The following DOCK4 variants were observed in gnomAD, a reference collection of about 807,000 sequenced individuals.
DOCK4 encodes the protein dedicator of cytokinesis 4.
Under a neutral mutation model 268.1 loss-of-function variants are expected in DOCK4, and 97 were observed. The observed-to-expected ratio is 0.36, with a 90% CI of 0.31 to 0.43. The LOEUF is 0.43. Among genes scored for constraint, DOCK4 ranks in the 20% least tolerant of loss-of-function variants. The pLI is 1.00. For synonymous variants in DOCK4, 954 were observed against 887.2 expected (o/e 1.08, Z -1.34); for missense variants, 2,145 against 2,455.7 (o/e 0.87, Z 2.67).
chr7:112,135,541 T>C (rs1160795492), intron 1 of DOCK4, among the ~76,000 whole-genome samples: 1 of 152,172 alleles, frequency 6.6e-6, no homozygotes, highest in African/African-American at 2.4e-5. Flanking sequence ...AGCTATATAA[T>C]CTATCTCCTT....
At position 112,181,330 on chromosome 7, in the gene DOCK4, A is replaced by C. The variant is rs143255386; in HGVS notation, c.37+24772T>G. Among the ~76,000 whole-genome samples the C allele has an allele frequency of 2.0e-5, 3 of 152,252 alleles. No homozygotes were observed. In the East Asian group the frequency reaches 5.8e-4, roughly 29 times the overall value. On this transcript the variant is annotated intron_variant, in intron 1 of 52. Transcript: ENST00000428084. ...TTGTATATATTTACATATAAGTGCA[A>C]AATATTTTGAGGTAGCATTGTTTGG...
chr7:112,119,632 T>C (rs1039000470), intron 1 of DOCK4, among the ~76,000 whole-genome samples: 1 of 152,256 alleles, frequency 6.6e-6, no homozygotes, highest in Admixed American at 6.5e-5. Context: ...CGGGTGGTTA[T>C]TAAGTCTGAG....
chr7:112,018,382 T>C (rs1195041493), intron 1 of DOCK4, among the ~76,000 whole-genome samples: 1 of 152,108 alleles, frequency 6.6e-6, no homozygotes, highest in East Asian at 1.9e-4. Context: ...CATGAAACTG[T>C]AATAGCCAAA....
chr7:111,739,422 G>C lies in DOCK4; in HGVS notation c.5096C>G (p.Thr1699Arg). ...SSTHSASPNV[T>R]SSAPSSARAS... ...TCTGGCACTCGATGGAGCAGAACTT[G>C]TCACATTAGGTGAAGCCGAGTGAGT... Residue 1699 changes from threonine (T) to arginine (R), a missense_variant, in exon 48 of 53, where the codon ACA becomes AGA. Around this residue, in one of 2 missense-constraint regions of DOCK4, gnomAD observed 547 missense variants for 469.0 expected, o/e 1.17. Transcript: ENST00000428084. 1.3e-6 allele frequency: 2 copies of C among 1,583,940 alleles called. No homozygotes were observed. The highest frequency in any genetic ancestry group is 1.7e-6 in the Non-Finnish European group (2 of 1,165,082).
intron 23 of DOCK4, among the ~76,000 whole-genome samples, chr7:111,850,509 A>G (rs1804461288): frequency 6.6e-6 from 1 of 152,160 alleles, no homozygotes; most frequent in Admixed American, 6.5e-5. Context: ...TCAGAGCCCA[A>G]GCTAACCCAT....
intron 20 of DOCK4, among the ~76,000 whole-genome samples, chr7:111,871,448 G>C (rs1482185688): frequency 6.6e-6 from 1 of 152,200 alleles, no homozygotes; most frequent in Non-Finnish European, 1.5e-5. Context: ...TAAAATAGCA[G>C]CTCCTATCAA....
At chr7:111,899,147 C>T (rs562438332) in intron 15 of DOCK4, among the ~76,000 whole-genome samples, 1 of 152,208 alleles carries the variant, frequency 6.6e-6, no homozygotes, top group African/African-American at 2.4e-5. Flanking sequence ...CATTCAGATA[C>T]ATCCACACAA....
At chr7:111,854,860 G>T (rs897662659) in intron 23 of DOCK4, among the ~76,000 whole-genome samples, 2 of 152,330 alleles carry the variant, frequency 1.3e-5, no homozygotes, top group African/African-American at 4.8e-5. Context: ...TTCTGGGGTG[G>T]AGGAGGGAAA....
intron 1 of DOCK4, among the ~76,000 whole-genome samples, chr7:112,185,537 C>G (rs1462331965): frequency 6.6e-6 from 1 of 151,526 alleles, no homozygotes; most frequent in Admixed American, 6.6e-5. Flanking sequence ...CTTAAGCATT[C>G]AAGTCTGATT....
intron 44 of DOCK4, 124 bp from the exon 45 acceptor site, chr7:111,742,256 A>C: frequency 9.8e-7 from 1 of 1,023,856 alleles, no homozygotes; most frequent in Non-Finnish European, 1.3e-6. Flanking sequence ...GCCTCTGACA[A>C]GGTAGGAACA....
intron 1 of DOCK4, among the ~76,000 whole-genome samples, chr7:112,152,721 A>G (rs980633603): frequency 6.6e-6 from 1 of 152,132 alleles, no homozygotes; most frequent in African/African-American, 2.4e-5. Flanking sequence ...CCTGGTCTCA[A>G]GTAATCCTCC....
chr7:111,826,308 T>C (rs567202389), intron 26 of DOCK4, among the ~76,000 whole-genome samples: 54 of 152,282 alleles, frequency 3.5e-4, no homozygotes, highest in Non-Finnish European at 6.8e-4. Context: ...AAATAAAAGA[T>C]AGACATATTT....
chr7:111,962,638 T>C (rs1382932259), intron 8 of DOCK4, among the ~76,000 whole-genome samples: 1 of 147,230 alleles, frequency 6.8e-6, no homozygotes, highest in Non-Finnish European at 1.5e-5. Context: ...CATATTTCCA[T>C]ATTTAAAAAA....
chr7:112,177,872 T>C (rs1308154728), intron 1 of DOCK4, among the ~76,000 whole-genome samples: 1 of 152,246 alleles, frequency 6.6e-6, no homozygotes, highest in Non-Finnish European at 1.5e-5. Context: ...AAGGCTGTTC[T>C]TCTTTATGCT....
chr7:111,884,038 A>G (rs988048856), intron 16 of DOCK4, among the ~76,000 whole-genome samples: 1 of 152,122 alleles, frequency 6.6e-6, no homozygotes, highest in Non-Finnish European at 1.5e-5. Flanking sequence ...ACCCTTTTAT[A>G]TATTTACCAG....
chr7:112,000,115 A>G (rs2135290030), intron 3 of DOCK4, among the ~76,000 whole-genome samples: 1 of 152,194 alleles, frequency 6.6e-6, no homozygotes, highest in South Asian at 2.1e-4. Context: ...CCATACCGAT[A>G]TTTTACAAAT....
intron 5 of DOCK4, among the ~76,000 whole-genome samples, chr7:111,991,988 A>AAAAAAAG (rs1799581134): frequency 8.1e-5 from 11 of 135,584 alleles, no homozygotes; most frequent in East Asian, 4.5e-4. Flanking sequence ...AAAAAAAAAA[A>AAAAAAAG]GTGCCTGGCA....
At position 111,728,263 on chromosome 7, in the gene DOCK4, A is replaced by C. The variant is rs1429480023; in HGVS notation, c.*11T>G. 1.1e-5 allele frequency: 16 copies of C among 1,473,774 alleles called. No individual in the cohort carries two copies. The highest frequency in any genetic ancestry group is 1.4e-5 in the Non-Finnish European group (16 of 1,111,756). The allele number at this position is 1,473,774 out of a possible 1,614,324, so 91.3% of individuals were successfully genotyped here. On this transcript the variant is annotated 3_prime_UTR_variant, in exon 53 of 53. Coordinates refer to ENST00000428084, the MANE Select transcript of DOCK4 (RefSeq NM_001363540.2). ...GGCAAAGAATGCATCGCAGGTACAT[A>C]GAAAAGTGACTTATAACTGAGAGAC... is the stretch of plus-strand genomic sequence containing the variant.
chr7:112,179,072 A>T (rs1035780351), intron 1 of DOCK4, among the ~76,000 whole-genome samples: 7 of 152,192 alleles, frequency 4.6e-5, no homozygotes, highest in African/African-American at 1.7e-4. Flanking sequence ...GTTACTTGAG[A>T]TGCTTATTTA....
Sources: gnomAD v4.1 joint callset for allele counts (sites outside exome capture counted in the v4.1 genomes callset) on GRCh38, gnomAD v4.1.1 for gene constraint, gnomAD v4.1.1 regional missense constraint, MANE v1.5 for transcripts, NCBI Gene and HGNC (gene_info 2026-07-23, HGNC 2026-07-21) for gene names.